Variants in ZBTB7C observed in about 807,000 individuals in gnomAD.
ZBTB7C encodes zinc finger and BTB domain containing 7C.
Under a neutral mutation model 25.7 loss-of-function variants are expected in ZBTB7C, and 8 were observed. The observed-to-expected ratio is 0.31, with a 90% CI of 0.18 to 0.56. The LOEUF is 0.56. Ranked by LOEUF, ZBTB7C falls within the 20% of genes least tolerant of loss-of-function variation. The probability of loss-of-function intolerance (pLI) is 0.91; values close to 1 mark genes in which losing one functional copy is unlikely to be tolerated. For synonymous variants in ZBTB7C, 394 were observed against 369.0 expected (o/e 1.07, Z -0.78); for missense variants, 824 against 855.2 (o/e 0.96, Z 0.46).
At chr18:48,210,853 A>T (rs1324471250) in intron 2 of ZBTB7C, among the ~76,000 whole-genome samples, 1 of 152,212 alleles carries the variant, frequency 6.6e-6, no homozygotes, top group Non-Finnish European at 1.5e-5. Context: ...AAAATTCCAT[A>T]AAGTTTTTAC....
intron 2 of ZBTB7C, among the ~76,000 whole-genome samples, chr18:48,254,218 A>C (rs924769377): frequency 6.6e-6 from 1 of 152,262 alleles, no homozygotes; most frequent in African/African-American, 2.4e-5. Flanking sequence ...GAAAGCTGGA[A>C]GCTTACATGG....
chr18:48,202,126 C>T (rs2042465277), intron 2 of ZBTB7C, among the ~76,000 whole-genome samples: 1 of 152,220 alleles, frequency 6.6e-6, no homozygotes, highest in Admixed American at 6.5e-5. Flanking sequence ...GACCACAGTG[C>T]TTCCTGCTCA....
chr18:48,157,707 G>A (rs988996161), intron 3 of ZBTB7C, among the ~76,000 whole-genome samples: 41 of 152,164 alleles, frequency 2.7e-4, no homozygotes, highest in African/African-American at 9.4e-4. Flanking sequence ...CTCTGCCTCA[G>A]TTTCCTCATC....
In ZBTB7C at chr18:48,040,160, G is replaced by A. The variant is rs553695472; in HGVS notation, c.948C>T (p.Asp316=). Residue 316 remains aspartate (D), a synonymous_variant, in exon 4 of 5, where the codon GAC becomes GAT. Transcript: ENST00000590800. The stretch of plus-strand genomic sequence containing the variant: ...TGGGTCCCAGAGGCCCCCCCGGCAG[G>A]TCAGGGAACATGTCCTTGAAGAAGT... ...PNDFFKDMFP[D]LPGGPLGPIK... The A allele has an allele frequency of 1.8e-5, 29 of 1,578,546 alleles. 1 individual carries two copies. In the South Asian group the frequency reaches 3.1e-4, roughly 17 times the overall value.
intron 3 of ZBTB7C, chr18:48,165,185 T>C (rs1273439550): frequency 2.3e-5 from 29 of 1,246,508 alleles, no homozygotes; most frequent in Non-Finnish European, 2.9e-5. Context: ...GGAGGGTTCT[T>C]GTCCAAGGTC....
chr18:48,259,802 C>G (rs150272081), intron 2 of ZBTB7C, among the ~76,000 whole-genome samples: 1 of 152,212 alleles, frequency 6.6e-6, no homozygotes, highest in East Asian at 1.9e-4. Context: ...AAATCAAAAC[C>G]ACAATGATAT....
chr18:48,204,314 A>G (rs1472426341), intron 2 of ZBTB7C, among the ~76,000 whole-genome samples: 2 of 151,466 alleles, frequency 1.3e-5, no homozygotes, highest in Non-Finnish European at 2.9e-5. Context: ...GAACCTACCC[A>G]CCCCATTCCA....
intron 3 of ZBTB7C, among the ~76,000 whole-genome samples, chr18:48,046,982 G>C (rs1231315645): frequency 6.6e-6 from 1 of 152,158 alleles, no homozygotes; most frequent in Non-Finnish European, 1.5e-5. Flanking sequence ...CTGCGCCTTG[G>C]TTTGTGGCCT....
chr18:48,268,083 T>C (rs1195174747), intron 2 of ZBTB7C, among the ~76,000 whole-genome samples: 3 of 152,208 alleles, frequency 2.0e-5, no homozygotes, highest in African/African-American at 7.2e-5. Flanking sequence ...AGCACAATAT[T>C]TAGCAGATAC....
At chr18:48,059,685 GC>G (rs2037052206) in intron 3 of ZBTB7C, among the ~76,000 whole-genome samples, 1 of 152,194 alleles carries the variant, frequency 6.6e-6, no homozygotes, top group Non-Finnish European at 1.5e-5. Context: ...CAGAGCGACA[GC>G]CTCCCTTTCA....
At chr18:48,202,156 T>C (rs2042465999) in intron 2 of ZBTB7C, among the ~76,000 whole-genome samples, 1 of 152,174 alleles carries the variant, frequency 6.6e-6, no homozygotes, top group Non-Finnish European at 1.5e-5. Flanking sequence ...ACTAGGCCAC[T>C]CTGTGCATCA....
chr18:48,085,485 G>A (rs2038158538), intron 3 of ZBTB7C, among the ~76,000 whole-genome samples: 1 of 152,164 alleles, frequency 6.6e-6, no homozygotes, highest in Admixed American at 6.5e-5. Flanking sequence ...ACCAGGGTTT[G>A]GATCCCTGCT....
At chr18:48,331,538 A>C (rs2046341986) in intron 2 of ZBTB7C, among the ~76,000 whole-genome samples, 2 of 152,160 alleles carry the variant, frequency 1.3e-5, no homozygotes, top group South Asian at 2.1e-4. Context: ...ATAACAAATA[A>C]TTTTGGGGCA....
intron 3 of ZBTB7C, among the ~76,000 whole-genome samples, chr18:48,051,010 T>G (rs1259416564): frequency 7.3e-6 from 1 of 137,348 alleles, no homozygotes; most frequent in Non-Finnish European, 1.5e-5. Flanking sequence ...CAGAACTGTG[T>G]AAGTGACAGA....
upstream of ZBTB7C, chr18:48,410,665 G>C (rs1157646651): frequency 2.0e-5 from 3 of 152,712 alleles, no homozygotes; most frequent in Non-Finnish European, 4.4e-5. Context: ...ACTCGAGCTG[G>C]CTTTGCCTCC....
chr18:48,190,021 G>A (rs1318872690), intron 2 of ZBTB7C, among the ~76,000 whole-genome samples: 1 of 152,178 alleles, frequency 6.6e-6, no homozygotes, highest in Non-Finnish European at 1.5e-5. Flanking sequence ...GTCGTGGGGA[G>A]AAACACTTGG....
chr18:48,248,727 A>G (rs2043766239), intron 2 of ZBTB7C, among the ~76,000 whole-genome samples: 1 of 152,204 alleles, frequency 6.6e-6, no homozygotes, highest in Non-Finnish European at 1.5e-5. Context: ...TGTTGAATAA[A>G]TGATTAAATG....
intron 3 of ZBTB7C, among the ~76,000 whole-genome samples, chr18:48,151,965 C>G (rs2040692854): frequency 6.6e-6 from 1 of 152,160 alleles, no homozygotes; most frequent in Non-Finnish European, 1.5e-5. Context: ...GGGAGGGACA[C>G]AGGCCAGCCA....
intron 3 of ZBTB7C, among the ~76,000 whole-genome samples, chr18:48,136,588 C>T (rs2040172486): frequency 6.6e-6 from 1 of 152,060 alleles, no homozygotes; most frequent in Admixed American, 6.5e-5. Context: ...ATTTAAACTA[C>T]CAAGGTACAC....
Sources: allele counts gnomAD v4.1 joint callset (sites outside exome capture counted in the v4.1 genomes callset), GRCh38; gene constraint gnomAD v4.1.1; transcripts MANE v1.5; gene names NCBI Gene and HGNC (gene_info 2026-07-23, HGNC 2026-07-21).